Variants in ZFPM2 observed in about 807,000 individuals in gnomAD.
The protein encoded by ZFPM2 is zinc finger protein ZFPM2.
ZFPM2 carries 20 observed loss-of-function variants against 98.6 expected under a neutral mutation model. The ratio of observed to expected loss-of-function variants is 0.20; its 90% CI spans 0.14 to 0.29. The LOEUF (loss-of-function observed/expected upper bound fraction) is 0.29, where lower values mean the gene tolerates loss of function less well. Among genes scored for constraint, ZFPM2 ranks in the 10% least tolerant of loss-of-function variants. The pLI, the probability that ZFPM2 is intolerant of heterozygous loss-of-function variation, is 1.00. For missense variants in ZFPM2, 1,310 were observed against 1,388.6 expected (o/e 0.94, Z 0.90); for synonymous variants, 518 against 502.7 (o/e 1.03, Z -0.41).
intron 3 of ZFPM2, among the ~76,000 whole-genome samples, chr8:105,473,924 A>G (rs1439395264): frequency 6.6e-6 from 1 of 152,242 alleles, no homozygotes; most frequent in Non-Finnish European, 1.5e-5. Context: ...AGAGAATATC[A>G]TTGACTCTAT....
intron 4 of ZFPM2, among the ~76,000 whole-genome samples, chr8:105,606,913 T>C (rs555147633): frequency 6.6e-6 from 1 of 152,250 alleles, no homozygotes; most frequent in East Asian, 1.9e-4. Flanking sequence ...TTGCTTTTGG[T>C]GGAGAGGAGA....
At chr8:105,698,516 T>C (rs1811070924) in intron 5 of ZFPM2, among the ~76,000 whole-genome samples, 1 of 152,188 alleles carries the variant, frequency 6.6e-6, no homozygotes, top group Non-Finnish European at 1.5e-5. Flanking sequence ...CTTTAATCAA[T>C]ACAAAAAGGA....
At chr8:105,666,535 A>G (rs961552473) in intron 5 of ZFPM2, among the ~76,000 whole-genome samples, 5 of 152,228 alleles carry the variant, frequency 3.3e-5, no homozygotes, top group African/African-American at 1.2e-4. Context: ...TAGCCTATGC[A>G]GAACTGGCTC....
chr8:105,488,082 C>CA (rs917549062), intron 3 of ZFPM2, among the ~76,000 whole-genome samples: 1 of 152,022 alleles, frequency 6.6e-6, no homozygotes, highest in African/African-American at 2.4e-5. Context: ...CCCACCACAA[C>CA]AGTACATTTG....
intron 4 of ZFPM2, among the ~76,000 whole-genome samples, chr8:105,592,232 CT>C (rs1164719806): frequency 4.0e-5 from 6 of 151,852 alleles, no homozygotes; most frequent in South Asian, 4.2e-4. Context: ...TTTTTTCCTT[CT>C]TTTTTCCCCC....
chr8:105,444,574 C>T (rs1271856583), intron 3 of ZFPM2, among the ~76,000 whole-genome samples, 193 bp downstream of exon 3: 1 of 152,066 alleles, frequency 6.6e-6, no homozygotes, highest in Non-Finnish European at 1.5e-5. Flanking sequence ...AACCAAAGTG[C>T]TACCTCTGCT....
At position 105,637,078 on chromosome 8, in the gene ZFPM2, G is replaced by A. The variant is rs985105820; in HGVS notation, c.532+2721G>A. On this transcript the variant is annotated intron_variant, in intron 5 of 7. Transcript: ENST00000407775. ...ATACATACTAGAATATGTTCTGTCT[G>A]CATTAAGCTTCAAAACAACTCAATG... Among the ~76,000 whole-genome samples, 4 of 152,104 alleles carry A rather than the reference G, an allele frequency of 2.6e-5. No individual in the cohort carries two copies. The East Asian group carries it at 7.7e-4, about 29-fold the overall frequency.
intron 5 of ZFPM2, among the ~76,000 whole-genome samples, chr8:105,733,243 A>C (rs562066926): frequency 5.9e-5 from 9 of 152,008 alleles, no homozygotes; most frequent in Admixed American, 5.3e-4. Flanking sequence ...CATAGGAATC[A>C]TGCCTCTTAT....
At chr8:105,497,147 A>G (rs186217142) in intron 3 of ZFPM2, among the ~76,000 whole-genome samples, 6,787 of 151,744 alleles carry the variant, frequency 0.045, 517 homozygotes, top group African/African-American at 0.15. Flanking sequence ...CACCATACCC[A>G]GCTAATTTTT....
chr8:105,565,761 G>A (rs544881846), intron 4 of ZFPM2, among the ~76,000 whole-genome samples: 2 of 152,254 alleles, frequency 1.3e-5, no homozygotes, highest in East Asian at 1.9e-4. Flanking sequence ...AAAGCAAAAA[G>A]CACTCTTTAA....
At position 105,740,387 on chromosome 8, in the gene ZFPM2, G is replaced by C. The variant is rs1586231822; in HGVS notation, c.533-48331G>C. 4.6e-5 allele frequency among the ~76,000 whole-genome samples: 7 copies of C among 151,576 alleles called. No homozygotes were observed. In the South Asian group the frequency reaches 1.5e-3, roughly 32 times the overall value. ...AGAATGAAGTGATAAAAAGATGATG[G>C]TAAATTATTTCTATAGCATAGAAAC... is the stretch of plus-strand genomic sequence containing the variant. On this transcript the variant is annotated intron_variant, in intron 5 of 7. Transcript: ENST00000407775.
intron 5 of ZFPM2, among the ~76,000 whole-genome samples, chr8:105,713,480 T>G (rs79423676): frequency 0.013 from 1,918 of 152,238 alleles, 40 homozygotes; most frequent in African/African-American, 0.043. Flanking sequence ...TTGTTTACCC[T>G]GTTGATAGTT....
chr8:105,554,876 T>G (rs1246432768), intron 3 of ZFPM2, among the ~76,000 whole-genome samples: 1 of 152,180 alleles, frequency 6.6e-6, no homozygotes, highest in Non-Finnish European at 1.5e-5. Context: ...TATGTTCATA[T>G]CCTTTGCTTT....
At chr8:105,583,019 A>G (rs911994340) in intron 4 of ZFPM2, among the ~76,000 whole-genome samples, 13 of 152,228 alleles carry the variant, frequency 8.5e-5, no homozygotes, top group Non-Finnish European at 1.6e-4. Flanking sequence ...CCTTTAAGCC[A>G]TAGAAATTTG....
intron 4 of ZFPM2, among the ~76,000 whole-genome samples, chr8:105,584,909 G>C (rs769859117): frequency 2.0e-5 from 3 of 152,132 alleles, no homozygotes; most frequent in Non-Finnish European, 4.4e-5. Flanking sequence ...ATGATAAGGG[G>C]TGTATGTCTG....
chr8:105,384,846 T>C (rs1472641248), intron 1 of ZFPM2, among the ~76,000 whole-genome samples: 1 of 152,166 alleles, frequency 6.6e-6, no homozygotes, highest in Non-Finnish European at 1.5e-5. Context: ...AAATAGGTTC[T>C]TGAAAAATAA....
intron 3 of ZFPM2, among the ~76,000 whole-genome samples, chr8:105,523,324 A>G (rs1263548084): frequency 6.6e-6 from 1 of 152,202 alleles, no homozygotes; most frequent in African/African-American, 2.4e-5. Context: ...GCTTGATATC[A>G]CTTGATGTCT....
intron 5 of ZFPM2, among the ~76,000 whole-genome samples, chr8:105,693,331 C>G (rs1810934837): frequency 6.6e-6 from 1 of 152,170 alleles, no homozygotes; most frequent in Non-Finnish European, 1.5e-5. Context: ...TTGGTGCAGG[C>G]TATTCCGCAG....
chr8:105,732,397 A>T (rs1410088637), intron 5 of ZFPM2, among the ~76,000 whole-genome samples: 3 of 151,844 alleles, frequency 2.0e-5, no homozygotes, highest in Admixed American at 6.6e-5. Context: ...TTGATAAGAA[A>T]CTTCTGGATT....
Sources: gnomAD v4.1 joint callset for allele counts (sites outside exome capture counted in the v4.1 genomes callset) on GRCh38, gnomAD v4.1.1 for gene constraint, MANE v1.5 for transcripts, NCBI Gene and HGNC (gene_info 2026-07-23, HGNC 2026-07-21) for gene names.